LEMD2: variants seen among roughly 807,000 people sequenced by gnomAD.
The protein encoded by LEMD2 is LEM domain-containing protein 2.
In LEMD2, 34 loss-of-function variants were observed where a neutral mutation model predicts 58.8. The observed-to-expected ratio is 0.58, with a 90% confidence interval of 0.44 to 0.77. The LOEUF (loss-of-function observed/expected upper bound fraction) is 0.77, where lower values mean the gene tolerates loss of function less well. LEMD2 is among the 30% of genes least tolerant of loss of function. The probability of loss-of-function intolerance (pLI) is 0.00; values close to 1 mark genes in which losing one functional copy is unlikely to be tolerated. For missense variants in LEMD2, 629 were observed against 717.9 expected (o/e 0.88, Z 1.42); for synonymous variants, 298 against 308.9 (o/e 0.96, Z 0.37).
At position 33,776,944 on chromosome 6, in the gene LEMD2, A is replaced by G. The variant is rs1561923117; in HGVS notation, c.1361+10T>C. 3 of 1,608,608 alleles carry G rather than the reference A, an allele frequency of 1.9e-6. No individual in the cohort carries two copies. The highest frequency in any genetic ancestry group is 2.6e-6 in the Non-Finnish European group (3 of 1,176,170). ...TTACCTCACACCCAGCGCCCCAGCC[A>G]GGGACTCACCGGCTCTGTGGAGGGA... On this transcript the variant is annotated intron_variant, in intron 8 of 8. Coordinates refer to ENST00000293760, the MANE Select transcript of LEMD2 (RefSeq NM_181336.4).
Position 33,788,802 on chromosome 6 carries a change from ACCGTAGGCCCCAGGGGTC to A in LEMD2, c.297_314del (p.Thr100_Gly105del). The A allele has an allele frequency of 6.9e-7, 1 of 1,447,688 alleles. No homozygotes were observed. Among genetic ancestry groups the A allele is most frequent in the East Asian group, 3.0e-5 (1 of 32,946 alleles). 89.7% of individuals were successfully genotyped at this position (1,447,688 alleles called of 1,614,324 possible). A position where few individuals can be genotyped will look rare whatever the true frequency, so the allele number is the denominator to read the frequency against. On this transcript the variant is annotated inframe_deletion, in exon 1 of 9. Transcript: ENST00000293760. ...AGGAAGCCGCGGAGGGCCGGATATCACCGTAGGCCCCAGGGGTCGCGTAGGCCGAGCCCGAGGCCGGCT... is the reference window on the plus strand; with the variant it reads ...AGGAAGCCGCGGAGGGCCGGATATCAGCGTAGGCCGAGCCCGAGGCCGGCT...
intron 4 of LEMD2, among the ~76,000 whole-genome samples, chr6:33,780,524 G>T (rs957331849): frequency 6.6e-6 from 1 of 152,188 alleles, no homozygotes; most frequent in African/African-American, 2.4e-5. Flanking sequence ...GGGTGGGTGA[G>T]CCCAGTGGCC....
At chr6:33,772,850 A>C (rs1350658424) in intron 8 of LEMD2, 72 bp from the exon 9 acceptor site, 5 of 1,373,594 alleles carry the variant, frequency 3.6e-6, no homozygotes, top group Non-Finnish European at 5.0e-6. Flanking sequence ...CCTCCTACAA[A>C]GGGCACACAT....
chr6:33,774,168 C>CTTTT (rs11349649), intron 8 of LEMD2, among the ~76,000 whole-genome samples: 1 of 115,362 alleles, frequency 8.7e-6, no homozygotes, highest in Non-Finnish European at 1.8e-5. Context: ...TAGGCACTGA[C>CTTTT]TTTTTTTTTT....
In LEMD2 at chr6:33,777,205, T is replaced by C. The variant is rs376252454; in HGVS notation, c.1191A>G (p.Leu397=). The part of the protein sequence containing the change: ...LAFLWGLLIL[L]KYRWRKLEEE... Reference sequence around the variant, plus strand: ...CTTCTAACTTTCGCCACCGATATTTTAGGAGAATTAGGAGCCCCCACAAAA... The same window carrying C: ...CTTCTAACTTTCGCCACCGATATTTCAGGAGAATTAGGAGCCCCCACAAAA... Residue 397 remains leucine (L), a synonymous_variant, in exon 7 of 9, where the codon CTA becomes CTG. Coordinates refer to ENST00000293760, the MANE Select transcript of LEMD2 (RefSeq NM_181336.4). 7.3e-5 allele frequency: 118 copies of C among 1,614,016 alleles called. No individual in the cohort carries two copies. Among genetic ancestry groups the C allele is most frequent in the Non-Finnish European group, 9.7e-5 (114 of 1,180,014 alleles).
At chr6:33,786,327 G>A (rs1767674934) in intron 2 of LEMD2, among the ~76,000 whole-genome samples, 1 of 152,188 alleles carries the variant, frequency 6.6e-6, no homozygotes, top group African/African-American at 2.4e-5. Flanking sequence ...CAGAGCCACA[G>A]CTGCACCACT....
intron 6 of LEMD2, among the ~76,000 whole-genome samples, chr6:33,777,730 C>T (rs373534470): frequency 2.0e-5 from 3 of 152,196 alleles, no homozygotes; most frequent in Non-Finnish European, 2.9e-5. Context: ...CCTTCAGAGA[C>T]GCCCTGAGGT....
chr6:33,781,307 A>G (rs553106182), intron 3 of LEMD2, 154 bp from the exon 4 acceptor site: 40 of 611,964 alleles, frequency 6.5e-5, no homozygotes, highest in African/African-American at 6.1e-4. Context: ...CTCTGCAGCA[A>G]GATCAAAAGC....
intron 2 of LEMD2, among the ~76,000 whole-genome samples, chr6:33,786,399 C>A (rs1262293201): frequency 1.3e-5 from 2 of 152,194 alleles, no homozygotes; most frequent in African/African-American, 4.8e-5. Flanking sequence ...CCGGCCCTTC[C>A]TCCCAGTGCC....
At chr6:33,776,904 G>A (rs1302557031) in intron 8 of LEMD2, 50 bp downstream of exon 8, 1 of 1,459,562 alleles carries the variant, frequency 6.9e-7, no homozygotes, top group African/African-American at 1.4e-5. Flanking sequence ...GAGCTCAGTG[G>A]GGTCGGACCC....
chr6:33,773,204 G>C (rs1767344311), intron 8 of LEMD2, among the ~76,000 whole-genome samples: 1 of 152,154 alleles, frequency 6.6e-6, no homozygotes, highest in South Asian at 2.1e-4. Flanking sequence ...AAGCTCCACA[G>C]CACTCCAGGG....
Position 33,788,531 on chromosome 6 carries a change from C to T in LEMD2, c.586G>A (p.Ala196Thr). Residue 196 changes from alanine to threonine, a missense_variant, in exon 1 of 9, where the codon GCG (alanine) becomes ACG (threonine). By Grantham distance (58) the Ala-to-Thr change is moderately conservative. Transcript: ENST00000293760. ...CGCCCCACCTCAGGCCGGGCCCTCG[C>T]CGCGCCAGCAGGGCCCGCTCGAGTC... ...RATRAGPAGAARARPEVGRRL... is the reference protein window; with the variant it reads ...RATRAGPAGATRARPEVGRRL... The T allele has an allele frequency of 6.6e-7, 1 of 1,508,564 alleles. No individual in the cohort carries two copies. 93.4% of individuals were successfully genotyped at this position (1,508,564 alleles called of 1,614,324 possible).
rs768890046 is a variant in LEMD2, at chr6:33,777,200, T to A, written c.1196A>T (p.Tyr399Phe). Residue 399 changes from tyrosine (Y) to phenylalanine (F), a missense_variant, in exon 7 of 9, where the codon TAT becomes TTT. Physicochemically the swap from Tyr to Phe is conservative, Grantham distance 22 (BLOSUM62 3). This residue lies in a region of LEMD2 where 243 missense variants were observed against 336.8 expected (regional missense o/e 0.72). Transcript: ENST00000293760. ...CTCCTCTTCTAACTTTCGCCACCGA[T>A]ATTTTAGGAGAATTAGGAGCCCCCA... ...FLWGLLILLK[Y>F]RWRKLEEEEQ... 6.2e-7 allele frequency: 1 copy of A among 1,614,126 alleles called. No individual in the cohort carries two copies. Among genetic ancestry groups the A allele is most frequent in the South Asian group, 1.1e-5 (1 of 91,072 alleles).
In LEMD2 at chr6:33,788,672, C is replaced by T. The variant is rs994456700; in HGVS notation, c.445G>A (p.Asp149Asn). The T allele has an allele frequency of 1.5e-6, 2 of 1,330,382 alleles. No individual in the cohort carries two copies. Among genetic ancestry groups the T allele is most frequent in the Non-Finnish European group, 9.6e-7 (1 of 1,040,798 alleles). 82.4% of individuals were successfully genotyped at this position (1,330,382 alleles called of 1,614,324 possible). ...SEEDEDARTP[D>N]RATQGPGLAA... The stretch of plus-strand genomic sequence containing the variant: ...AGACCCGGGCCCTGCGTGGCCCTGT[C>T]GGGCGTCCGGGCGTCCTCGTCCTCC... Residue 149 changes from aspartate (D) to asparagine (N), a missense_variant, in exon 1 of 9, where the codon GAC becomes AAC. Asp to Asn is a conservative substitution (Grantham distance 23). Transcript: ENST00000293760.
rs570573716 is a variant in LEMD2, at chr6:33,788,108, G to A, written c.736+273C>T. Among the ~76,000 whole-genome samples the A allele has an allele frequency of 2.0e-5, 3 of 152,374 alleles. No homozygotes were observed. In the South Asian group the frequency reaches 6.2e-4, roughly 32 times the overall value. On this transcript the variant is annotated intron_variant, in intron 1 of 8. Transcript: ENST00000293760. ...GAGAAAACCAGAGGTTGGAGGAGCA[G>A]TGACTACAGCTTGTGATTGAAAGGG... is the stretch of plus-strand genomic sequence containing the variant.
In LEMD2 at chr6:33,772,775, C is replaced by T. The variant is rs1767334273; in HGVS notation, c.1365G>A (p.Arg455=). The T allele has an allele frequency of 6.2e-7, 1 of 1,613,098 alleles. No individual in the cohort carries two copies. The highest frequency in any genetic ancestry group is 8.5e-7 in the Non-Finnish European group (1 of 1,179,616). ...CTCGGTCCCAGACACGCTTCATGCGCCTCCTGCAATGAGAGGGACGGGGCT... is the reference window on the plus strand; with the variant it reads ...CTCGGTCCCAGACACGCTTCATGCGTCTCCTGCAATGAGAGGGACGGGGCT... ...RDSLIPPQSR[R]RMKRVWDRAV... The change falls in exon 9 of 9, where the codon AGG becomes AGA. Residue 455 remains arginine (R), a synonymous_variant. Coordinates refer to ENST00000293760, the MANE Select transcript of LEMD2 (RefSeq NM_181336.4).
At chr6:33,777,287 T>C (rs1767453861) in intron 6 of LEMD2, 48 bp from the exon 7 acceptor site, 3 of 1,296,230 alleles carry the variant, frequency 2.3e-6, no homozygotes, top group Non-Finnish European at 3.4e-6. Flanking sequence ...CATTTGGCAG[T>C]GGGTCTCACC....
chr6:33,777,363 G>A, intron 6 of LEMD2, 124 bp from the exon 7 acceptor site: 1 of 753,640 alleles, frequency 1.3e-6, no homozygotes, highest in Non-Finnish European at 2.4e-6. Context: ...CCTACTATGT[G>A]TCAGGCTCAG....
At chr6:33,775,884 G>C (rs1185226978) in intron 8 of LEMD2, among the ~76,000 whole-genome samples, 2 of 152,224 alleles carry the variant, frequency 1.3e-5, no homozygotes, top group Non-Finnish European at 1.5e-5. Flanking sequence ...GGAGCACTCA[G>C]CAAGGGTGAG....
Sources: gnomAD v4.1 joint callset for allele counts (sites outside exome capture counted in the v4.1 genomes callset) on GRCh38, gnomAD v4.1.1 for gene constraint, gnomAD v4.1.1 regional missense constraint, MANE v1.5 for transcripts, NCBI Gene and HGNC (gene_info 2026-07-23, HGNC 2026-07-21) for gene names.